PHTF2: variants seen among roughly 807,000 people sequenced by gnomAD.
The protein encoded by PHTF2 is putative homeodomain transcription factor 2.
In PHTF2, 60 loss-of-function variants were observed where a neutral mutation model predicts 101.2. The observed-to-expected ratio is 0.59, with a 90% CI of 0.48 to 0.73. PHTF2 has a LOEUF of 0.73. Among genes scored for constraint, PHTF2 ranks in the 30% least tolerant of loss-of-function variants. The pLI is 0.00. For synonymous variants in PHTF2, 311 were observed against 307.3 expected (o/e 1.01, Z -0.13); for missense variants, 747 against 908.7 (o/e 0.82, Z 2.29).
At chr7:77,837,159 A>C (rs981748524) in intron 1 of PHTF2, among the ~76,000 whole-genome samples, 1 of 152,184 alleles carries the variant, frequency 6.6e-6, no homozygotes, top group Non-Finnish European at 1.5e-5. Context: ...CTTGTATCAG[A>C]TCAGTTGATC....
chr7:77,910,346 G>A (rs771390532), exon 9 of PHTF2: 6 of 1,613,804 alleles, frequency 3.7e-6, no homozygotes, highest in African/African-American at 1.3e-5. Context: ...CACGGTACAA[G>A]CACCTCTCAC....
chr7:77,954,833 AC>A, intron 19 of PHTF2, 24 bp from the exon 19 acceptor site: 1 of 1,406,618 alleles, frequency 7.1e-7, no homozygotes, highest in Non-Finnish European at 9.9e-7. Context: ...CTGGCTTGTC[AC>A]CACTTCTATT....
intron 16 of PHTF2, among the ~76,000 whole-genome samples, chr7:77,946,742 C>A (rs116798754): frequency 6.6e-6 from 1 of 151,896 alleles, no homozygotes; most frequent in Non-Finnish European, 1.5e-5. Context: ...AGCTATGGGG[C>A]GAGACAGACA....
chr7:77,820,896 CT>C (rs1419813101), intron 1 of PHTF2, among the ~76,000 whole-genome samples: 3 of 151,736 alleles, frequency 2.0e-5, no homozygotes, highest in Non-Finnish European at 2.9e-5. Flanking sequence ...AGATTTGGTT[CT>C]TTTCTCTTTC....
intron 1 of PHTF2, among the ~76,000 whole-genome samples, chr7:77,834,995 G>A (rs999530288): frequency 6.6e-5 from 10 of 152,122 alleles, no homozygotes; most frequent in Non-Finnish European, 1.0e-4. Flanking sequence ...AAAGCTGGCC[G>A]GGTGCGGTGG....
At position 77,916,785 on chromosome 7, in the gene PHTF2, T is replaced by C. The variant is rs529511866; in HGVS notation, c.777-3494T>C. On this transcript the variant is annotated intron_variant, in intron 9 of 19. Transcript: ENST00000416283. Reference sequence around the variant, plus strand: ...ATACCTAATAATGGTATAAATGTTATGTAAATCATTATTATACTGTATTGC... The same window carrying C: ...ATACCTAATAATGGTATAAATGTTACGTAAATCATTATTATACTGTATTGC... Among the ~76,000 whole-genome samples the C allele has an allele frequency of 2.0e-5, 3 of 152,334 alleles. No homozygotes were observed. The South Asian group carries it at 6.2e-4, about 32-fold the overall frequency.
intron 3 of PHTF2, 116 bp from the exon 3 acceptor site, chr7:77,893,492 A>C (rs1800621593): frequency 2.0e-6 from 1 of 496,882 alleles, no homozygotes; most frequent in Non-Finnish European, 3.6e-6. Context: ...AGTCTGAGAT[A>C]GGGCTAAATC....
chr7:77,824,606 G>A (rs1342782390), intron 1 of PHTF2, among the ~76,000 whole-genome samples: 4 of 152,138 alleles, frequency 2.6e-5, no homozygotes, highest in Non-Finnish European at 4.4e-5. Flanking sequence ...TTGTATTTTA[G>A]TAGAGATGTT....
intron 1 of PHTF2, among the ~76,000 whole-genome samples, chr7:77,806,264 G>T (rs1004330158): frequency 1.3e-5 from 2 of 151,906 alleles, no homozygotes; most frequent in Non-Finnish European, 2.9e-5. Flanking sequence ...TGAAAAAATG[G>T]TATTGAATCT....
chr7:77,859,502 T>G (rs11977586), intron 3 of PHTF2, among the ~76,000 whole-genome samples: 1 of 151,868 alleles, frequency 6.6e-6, no homozygotes, highest in Non-Finnish European at 1.5e-5. Context: ...TTAAAAAAAA[T>G]TTTTCATTCC....
intron 2 of PHTF2, among the ~76,000 whole-genome samples, chr7:77,843,578 A>T (rs538179226): frequency 5.9e-5 from 9 of 152,330 alleles, no homozygotes; most frequent in South Asian, 4.1e-4. Flanking sequence ...ACTAAAAAAA[A>T]TTTTTAGAGG....
chr7:77,938,328 G>T (rs1165047479), intron 13 of PHTF2, among the ~76,000 whole-genome samples: 1 of 152,192 alleles, frequency 6.6e-6, no homozygotes, highest in Non-Finnish European at 1.5e-5. Flanking sequence ...TAGAAGTAAT[G>T]CAGATAGTGG....
chr7:77,802,566 G>C (rs1792642483), intron 1 of PHTF2, among the ~76,000 whole-genome samples: 1 of 152,120 alleles, frequency 6.6e-6, no homozygotes, highest in Non-Finnish European at 1.5e-5. Context: ...TTTTGAGACA[G>C]GGTCTCATTC....
intron 3 of PHTF2, among the ~76,000 whole-genome samples, chr7:77,866,749 G>T (rs185513119): frequency 3.3e-4 from 50 of 152,084 alleles, no homozygotes; most frequent in Non-Finnish European, 5.9e-4. Context: ...AATATTTTTG[G>T]CATTTAAATT....
At chr7:77,954,619 T>C (rs1042513405) in intron 19 of PHTF2, among the ~76,000 whole-genome samples, 3 of 113,430 alleles carry the variant, frequency 2.6e-5, no homozygotes, top group Non-Finnish European at 4.1e-5. Flanking sequence ...TGTGTATATA[T>C]ATATATATAT....
chr7:77,835,620 T>C (rs1423106074), intron 1 of PHTF2, among the ~76,000 whole-genome samples: 1 of 152,176 alleles, frequency 6.6e-6, no homozygotes, highest in East Asian at 1.9e-4. Flanking sequence ...CCTTGAACAA[T>C]TGGGGTTAGG....
exon 15 of PHTF2, chr7:77,940,559 T>C: frequency 6.2e-7 from 1 of 1,608,046 alleles, no homozygotes. Context: ...TTTGGACATT[T>C]AACATCTGCA....
chr7:77,878,837 A>G (rs941990441), intron 3 of PHTF2, among the ~76,000 whole-genome samples: 3 of 152,242 alleles, frequency 2.0e-5, no homozygotes, highest in Non-Finnish European at 4.4e-5. Context: ...TCTAAATTAA[A>G]GATTTATTTC....
chr7:77,841,904 C>A (rs928356444), intron 2 of PHTF2, among the ~76,000 whole-genome samples: 1 of 152,146 alleles, frequency 6.6e-6, no homozygotes, highest in African/African-American at 2.4e-5. Context: ...TAATTTCTAT[C>A]TACGGGAGTA....
Sources: gnomAD v4.1 joint callset for allele counts (sites outside exome capture counted in the v4.1 genomes callset) on GRCh38, gnomAD v4.1.1 for gene constraint, MANE v1.5 for transcripts, NCBI Gene and HGNC (gene_info 2026-07-23, HGNC 2026-07-21) for gene names.